The following LHX8 variants were observed in gnomAD, a reference collection of about 807,000 sequenced individuals.
The protein encoded by LHX8 is LIM homeobox 8.
In LHX8, 12 loss-of-function variants were observed where a neutral mutation model predicts 40.3. That is an observed-to-expected ratio of 0.30 (90% confidence interval 0.19 to 0.48). The LOEUF is 0.48. LHX8 is among the 20% of genes least tolerant of loss of function. LHX8 has a pLI of 0.99. For synonymous variants in LHX8, 179 were observed against 162.0 expected (o/e 1.10, Z -0.80); for missense variants, 344 against 433.7 (o/e 0.79, Z 1.84).
rs956981024 is a variant in LHX8, at chr1:75,143,729, C to A, written c.581-116C>A. The A allele has an allele frequency of 2.2e-5, 17 of 771,856 alleles. No individual in the cohort carries two copies. In the African/African-American group the frequency reaches 2.8e-4, roughly 13 times the overall value. The allele number at this position is 771,856 out of a possible 1,614,324, so 47.8% of individuals were successfully genotyped here. Reference sequence around the variant, plus strand: ...TGTTTTAAAACTTAAGGGGTTTTGCCGTCTAGAAAACATATACAGTTACAC... The same window carrying A: ...TGTTTTAAAACTTAAGGGGTTTTGCAGTCTAGAAAACATATACAGTTACAC... On this transcript the variant is annotated intron_variant, in intron 5 of 8. Transcript: ENST00000356261.
the LHX8 span, among the ~76,000 whole-genome samples, chr1:75,167,006 C>T: frequency 7.3e-3 from 1,119 of 152,312 alleles, 9 homozygotes; most frequent in Non-Finnish European, 0.011. Context: ...AGGGCAAAGG[C>T]AGAGTTGCAG....
At chr1:75,174,205 G>T in the LHX8 span, among the ~76,000 whole-genome samples, 1 of 152,072 alleles carries the variant, frequency 6.6e-6, no homozygotes, top group Non-Finnish European at 1.5e-5. Flanking sequence ...CCAAAAGAAT[G>T]GTGTTACTGA....
chr1:75,149,266 T>C (rs532440744), intron 7 of LHX8, among the ~76,000 whole-genome samples: 1 of 152,316 alleles, frequency 6.6e-6, no homozygotes, highest in South Asian at 2.1e-4. Context: ...AAATGTAGAA[T>C]TTATGTTTGG....
the LHX8 span, among the ~76,000 whole-genome samples, chr1:75,188,532 A>T: frequency 0.019 from 2,830 of 152,122 alleles, 84 homozygotes; most frequent in African/African-American, 0.065. Context: ...CCACAGCTTC[A>T]CAGTTCTCTC....
the LHX8 span, among the ~76,000 whole-genome samples, chr1:75,166,841 G>A: frequency 6.6e-6 from 1 of 152,182 alleles, no homozygotes; most frequent in African/African-American, 2.4e-5. Context: ...CAAAGACTTG[G>A]ATCCAATCCT....
chr1:75,140,410 G>A (rs1352139559), intron 3 of LHX8, among the ~76,000 whole-genome samples: 1 of 152,108 alleles, frequency 6.6e-6, no homozygotes, highest in Non-Finnish European at 1.5e-5. Context: ...TATTAGAAGA[G>A]AACCCGGGCT....
At chr1:75,148,565 A>G (rs1648523865) in intron 6 of LHX8, 22 bp from the exon 7 acceptor site, 2 of 1,551,962 alleles carry the variant, frequency 1.3e-6, no homozygotes, top group Non-Finnish European at 8.9e-7. Context: ...GCTATTTACT[A>G]CATACATGTT....
intron 7 of LHX8, among the ~76,000 whole-genome samples, chr1:75,153,208 C>T (rs1226022353): frequency 6.6e-6 from 1 of 151,988 alleles, no homozygotes; most frequent in East Asian, 1.9e-4. Flanking sequence ...CGGACTCAAG[C>T]GATTCTCCTG....
At chr1:75,158,376 A>G (rs890121001) in intron 8 of LHX8, among the ~76,000 whole-genome samples, 19 of 152,180 alleles carry the variant, frequency 1.2e-4, no homozygotes, top group Admixed American at 5.9e-4. Flanking sequence ...TTCATTGAGC[A>G]CAAGTTCCTA....
intron 8 of LHX8, chr1:75,159,710 G>C (rs186379380): frequency 6.6e-6 from 1 of 152,146 alleles, no homozygotes. Context: ...GTCATGTCTT[G>C]TTATTTGTCT....
chr1:75,129,795 G>A (rs1368476683), upstream of LHX8, among the ~76,000 whole-genome samples: 1 of 152,176 alleles, frequency 6.6e-6, no homozygotes, highest in Admixed American at 6.5e-5. Flanking sequence ...AGCCTGAAGG[G>A]CCTCGGTTCC....
At chr1:75,140,529 C>T (rs1433394892) in intron 3 of LHX8, among the ~76,000 whole-genome samples, 1 of 152,072 alleles carries the variant, frequency 6.6e-6, no homozygotes, top group African/African-American at 2.4e-5. Context: ...AGGAGGTATA[C>T]AGTTTATAAT....
the LHX8 span, among the ~76,000 whole-genome samples, chr1:75,188,067 T>C: frequency 6.6e-6 from 1 of 152,108 alleles, no homozygotes. Flanking sequence ...TCAGAAATCA[T>C]GTTGAGCCAG....
chr1:75,147,998 T>C (rs900978166), intron 6 of LHX8, among the ~76,000 whole-genome samples: 3 of 152,216 alleles, frequency 2.0e-5, no homozygotes, highest in Admixed American at 1.3e-4. Flanking sequence ...ACCTGTAAGC[T>C]TTTAAAATAT....
intron 8 of LHX8, chr1:75,159,256 A>G (rs1378560863): frequency 6.6e-6 from 1 of 152,072 alleles, no homozygotes; most frequent in African/African-American, 2.4e-5. Context: ...TCAGCTATTG[A>G]CCTTCTTGCT....
At chr1:75,166,020 G>C (rs906575054), downstream of LHX8, among the ~76,000 whole-genome samples, 2 of 152,102 alleles carry the variant, frequency 1.3e-5, no homozygotes, top group African/African-American at 2.4e-5. Flanking sequence ...ATGGAAAAAA[G>C]ACATGGTAAA....
chr1:75,198,717 C>A, the LHX8 span, among the ~76,000 whole-genome samples: 1 of 152,194 alleles, frequency 6.6e-6, no homozygotes, highest in East Asian at 1.9e-4. Context: ...ACAAAACAAC[C>A]TGCTGGTTCA....
intron 4 of LHX8, among the ~76,000 whole-genome samples, 164 bp from the exon 5 acceptor site, chr1:75,142,954 T>C (rs1648357428): frequency 6.6e-6 from 1 of 152,226 alleles, no homozygotes; most frequent in Non-Finnish European, 1.5e-5. Flanking sequence ...GATTTCTTAT[T>C]ATATTGACTT....
chr1:75,156,247 T>A (rs1648763450), intron 7 of LHX8, among the ~76,000 whole-genome samples: 1 of 152,054 alleles, frequency 6.6e-6, no homozygotes, highest in Non-Finnish European at 1.5e-5. Context: ...TTGTTTTGTT[T>A]TGTTTTGTTT....
Sources: allele counts gnomAD v4.1 joint callset (sites outside exome capture counted in the v4.1 genomes callset), GRCh38; gene constraint gnomAD v4.1.1; transcripts MANE v1.5; gene names NCBI Gene and HGNC (gene_info 2026-07-23, HGNC 2026-07-21).